The following SPMIP2 variants were observed in gnomAD, a reference collection of about 807,000 sequenced individuals.
The protein encoded by SPMIP2 is sperm microtubule inner protein 2.
At chr4:158,934,462 A>AAAAAT in the SPMIP2 span, among the ~76,000 whole-genome samples, 6 of 152,274 alleles carry the variant, frequency 3.9e-5, no homozygotes, top group Middle Eastern at 3.4e-3. Context: ...ACTCAGTCTC[A>AAAAAT]AAAATAAAAT....
chr4:158,973,393 T>C, the SPMIP2 span: 2 of 819,196 alleles, frequency 2.4e-6, no homozygotes, highest in Non-Finnish European at 1.9e-6. Flanking sequence ...GAAATACTAA[T>C]AGCCAATAAT....
chr4:159,005,035 A>G, the SPMIP2 span, among the ~76,000 whole-genome samples: 1 of 152,084 alleles, frequency 6.6e-6, no homozygotes, highest in African/African-American at 2.4e-5. Context: ...GTTCGACATC[A>G]GCCTGACCAA....
At chr4:159,004,041 T>TG in the SPMIP2 span, among the ~76,000 whole-genome samples, 2 of 152,014 alleles carry the variant, frequency 1.3e-5, no homozygotes, top group South Asian at 4.2e-4. Flanking sequence ...TTTTTTGAGT[T>TG]GGGGTCTCAC....
At chr4:158,970,218 G>A in the SPMIP2 span, among the ~76,000 whole-genome samples, 1 of 152,196 alleles carries the variant, frequency 6.6e-6, no homozygotes, top group Non-Finnish European at 1.5e-5. Flanking sequence ...GGTTGATAAG[G>A]AATCAAAAGT....
At chr4:159,005,899 G>C in the SPMIP2 span, among the ~76,000 whole-genome samples, 2 of 152,062 alleles carry the variant, frequency 1.3e-5, no homozygotes, top group Admixed American at 1.3e-4. Flanking sequence ...TGAGTAGCTG[G>C]GTCTATGGGT....
the SPMIP2 span, among the ~76,000 whole-genome samples, chr4:158,934,354 C>T: frequency 1.3e-5 from 2 of 151,998 alleles, no homozygotes; most frequent in African/African-American, 4.8e-5. Flanking sequence ...CCCAGCTACT[C>T]GGGAGGCTGA....
chr4:158,981,978 A>G, the SPMIP2 span, among the ~76,000 whole-genome samples: 1,524 of 152,156 alleles, frequency 0.01, 25 homozygotes, highest in African/African-American at 0.034. Context: ...TATTCAGGAG[A>G]CCCACCACAT....
chr4:159,038,937 A>C, the SPMIP2 span, among the ~76,000 whole-genome samples: 1 of 152,174 alleles, frequency 6.6e-6, no homozygotes, highest in African/African-American at 2.4e-5. Flanking sequence ...TTTGCTCTGT[A>C]GGTAATGAGG....
the SPMIP2 span, among the ~76,000 whole-genome samples, chr4:159,049,089 C>A: frequency 6.6e-6 from 1 of 152,036 alleles, no homozygotes; most frequent in Admixed American, 6.6e-5. Context: ...TAAAAGAATT[C>A]TCTATTGTAA....
the SPMIP2 span, among the ~76,000 whole-genome samples, chr4:158,961,637 T>C: frequency 3.9e-5 from 6 of 152,284 alleles, no homozygotes; most frequent in Non-Finnish European, 8.8e-5. Flanking sequence ...GGATGATCTT[T>C]AGTTTTATGC....
chr4:159,028,705 T>C, the SPMIP2 span, among the ~76,000 whole-genome samples: 10 of 152,344 alleles, frequency 6.6e-5, no homozygotes, highest in Middle Eastern at 0.027. Flanking sequence ...TGTAAACAGA[T>C]GTTTTAAAAA....
chr4:159,052,962 T>TAA, the SPMIP2 span, among the ~76,000 whole-genome samples: 2 of 141,212 alleles, frequency 1.4e-5, no homozygotes, highest in African/African-American at 5.3e-5. Context: ...ATTATTTTTT[T>TAA]TTTTTTTTTT....
the SPMIP2 span, among the ~76,000 whole-genome samples, chr4:158,987,894 T>C: frequency 6.6e-6 from 1 of 151,532 alleles, no homozygotes; most frequent in Admixed American, 6.6e-5. Context: ...ATAACTAAGA[T>C]CAGAGCAGAA....
the SPMIP2 span, among the ~76,000 whole-genome samples, chr4:158,922,546 G>T: frequency 1.3e-5 from 2 of 152,202 alleles, no homozygotes; most frequent in African/African-American, 2.4e-5. Context: ...ACTAGATCCA[G>T]ATTGTTAGAT....
chr4:159,010,012 CA>C, the SPMIP2 span, among the ~76,000 whole-genome samples: 6 of 151,942 alleles, frequency 3.9e-5, no homozygotes, highest in African/African-American at 1.4e-4. Context: ...AAAACAAAAA[CA>C]AAAAACAAAA....
chr4:159,082,576 A>C, the SPMIP2 span, among the ~76,000 whole-genome samples: 1 of 151,980 alleles, frequency 6.6e-6, no homozygotes, highest in Non-Finnish European at 1.5e-5. Flanking sequence ...TAGGAGGTTA[A>C]GAAAGGCATT....
chr4:158,950,155 C>T, the SPMIP2 span, among the ~76,000 whole-genome samples: 12 of 152,218 alleles, frequency 7.9e-5, no homozygotes, highest in South Asian at 2.5e-3. Flanking sequence ...TATCAGGCAC[C>T]CCCAGTTTGT....
At chr4:158,964,526 A>G in the SPMIP2 span, among the ~76,000 whole-genome samples, 1 of 152,246 alleles carries the variant, frequency 6.6e-6, no homozygotes. Context: ...AAACCAATAT[A>G]TACCCATTTC....
chr4:158,929,411 A>G, the SPMIP2 span, among the ~76,000 whole-genome samples: 1 of 152,102 alleles, frequency 6.6e-6, no homozygotes, highest in African/African-American at 2.4e-5. Flanking sequence ...TTATTTTGCT[A>G]TTTGTTTTCT....
Sources: gnomAD v4.1 joint callset for allele counts (sites outside exome capture counted in the v4.1 genomes callset) on GRCh38, gnomAD v4.1.1 for gene constraint, MANE v1.5 for transcripts, NCBI Gene and HGNC (gene_info 2026-07-23, HGNC 2026-07-21) for gene names.